BABAM2: variants seen among roughly 807,000 people sequenced by gnomAD.
BABAM2 encodes BRISC and BRCA1-A complex member 2.
A neutral mutation model predicts 54.7 loss-of-function variants in BABAM2; 31 were observed. That is an observed-to-expected ratio of 0.57 (90% CI 0.43 to 0.77). The LOEUF (loss-of-function observed/expected upper bound fraction) is 0.77. Among genes scored for constraint, BABAM2 ranks in the 30% least tolerant of loss-of-function variants. The pLI is 0.00. For missense variants in BABAM2, 364 were observed against 455.8 expected, an observed-to-expected ratio of 0.80 and a Z score of 1.83; for synonymous variants, 167 against 162.9, an observed-to-expected ratio of 1.03 and a Z score of -0.19.
chr2:28,271,921 GT>G (rs1439851054), intron 10 of BABAM2, among the ~76,000 whole-genome samples: 3 of 152,216 alleles, frequency 2.0e-5, no homozygotes, highest in Non-Finnish European at 4.4e-5. Context: ...TAGGCACATG[GT>G]GGAATGTAGA....
chr2:28,062,052 G>A (rs1678917351), intron 6 of BABAM2, among the ~76,000 whole-genome samples: 1 of 152,122 alleles, frequency 6.6e-6, no homozygotes, highest in African/African-American at 2.4e-5. Context: ...GAGGTCAGGA[G>A]TTCGAGACCA....
At chr2:28,162,904 G>T (rs1446126124) in intron 7 of BABAM2, among the ~76,000 whole-genome samples, 2 of 152,162 alleles carry the variant, frequency 1.3e-5, no homozygotes, top group African/African-American at 4.8e-5. Flanking sequence ...TAGTGACAAA[G>T]ACATGTTTAA....
chr2:28,313,264 C>T (rs1369747488), intron 11 of BABAM2, among the ~76,000 whole-genome samples: 1 of 152,204 alleles, frequency 6.6e-6, no homozygotes, highest in African/African-American at 2.4e-5. Flanking sequence ...TTATTACTAG[C>T]GTCTATGGGC....
At chr2:27,927,619 A>G (rs1667802862) in intron 2 of BABAM2, among the ~76,000 whole-genome samples, 1 of 152,214 alleles carries the variant, frequency 6.6e-6, no homozygotes. Context: ...AAAGGGAAAT[A>G]TGATGCCTCT....
chr2:28,189,765 T>C (rs556517898), intron 7 of BABAM2, among the ~76,000 whole-genome samples: 32 of 152,206 alleles, frequency 2.1e-4, no homozygotes, highest in African/African-American at 7.7e-4. Flanking sequence ...CTTTTTTTTT[T>C]AGGGATTGAC....
chr2:28,320,850 C>T (rs1186068342), intron 11 of BABAM2, among the ~76,000 whole-genome samples: 2 of 152,130 alleles, frequency 1.3e-5, no homozygotes, highest in African/African-American at 4.8e-5. Flanking sequence ...CTCTCCAAGC[C>T]TGCTCCTTCA....
chr2:27,983,160 C>T (rs909806406), intron 3 of BABAM2, among the ~76,000 whole-genome samples: 1 of 151,990 alleles, frequency 6.6e-6, no homozygotes. Context: ...TCTTCATGTT[C>T]TCACCCACCC....
At chr2:28,310,752 C>T (rs572094817) in intron 11 of BABAM2, among the ~76,000 whole-genome samples, 1 of 152,020 alleles carries the variant, frequency 6.6e-6, no homozygotes, top group Non-Finnish European at 1.5e-5. Context: ...GGCATGATGG[C>T]GGGCGTCTGT....
At chr2:28,219,191 G>T (rs986813065) in intron 7 of BABAM2, among the ~76,000 whole-genome samples, 1 of 152,138 alleles carries the variant, frequency 6.6e-6, no homozygotes. Flanking sequence ...ACTCTTTCAG[G>T]TTGTTCAGAG....
At position 27,995,993 on chromosome 2, in the gene BABAM2, G is replaced by A. The variant is rs1018175479; in HGVS notation, c.300+7906G>A. Among the ~76,000 whole-genome samples, 29 of 152,246 alleles carry A rather than the reference G, an allele frequency of 1.9e-4. No homozygotes were observed. Among genetic ancestry groups the A allele is most frequent in the African/African-American group, 6.3e-4 (26 of 41,560 alleles). On this transcript the variant is annotated intron_variant, in intron 4 of 11. Coordinates refer to ENST00000379624, the MANE Select transcript of BABAM2 (RefSeq NM_199191.3). This position sits in a 1 kb window ranked among gnomAD's most constrained non-coding sequence, Gnocchi z 4.1. The stretch of plus-strand genomic sequence containing the variant: ...CTTATCTTTTCATCTATATCTAAAT[G>A]GCTTTCTCCACTTTCTTGCTTGTGT...
intron 7 of BABAM2, among the ~76,000 whole-genome samples, chr2:28,167,412 C>T (rs1186970839): frequency 2.0e-5 from 3 of 151,974 alleles, no homozygotes; most frequent in African/African-American, 7.3e-5. Context: ...ATGCCGTTTG[C>T]GCTGGGAGCA....
intron 3 of BABAM2, among the ~76,000 whole-genome samples, chr2:27,978,206 G>A (rs1349117519): frequency 2.0e-5 from 3 of 152,072 alleles, no homozygotes; most frequent in Non-Finnish European, 4.4e-5. Flanking sequence ...CTGACTTCAT[G>A]TGAGATCTGG....
intron 3 of BABAM2, among the ~76,000 whole-genome samples, chr2:27,965,932 C>G (rs1052168347): frequency 3.4e-5 from 5 of 148,082 alleles, no homozygotes; most frequent in Admixed American, 1.3e-4. Flanking sequence ...TCTTTTTCTT[C>G]TTTGTTTTAT....
intron 4 of BABAM2, among the ~76,000 whole-genome samples, chr2:28,003,270 G>A (rs966634474): frequency 6.6e-6 from 1 of 152,110 alleles, no homozygotes; most frequent in African/African-American, 2.4e-5. Context: ...GCTGTGTGGT[G>A]CTGTGATTAT....
chr2:28,321,225 C>T (rs1337218265), intron 11 of BABAM2, among the ~76,000 whole-genome samples: 2 of 152,322 alleles, frequency 1.3e-5, no homozygotes, highest in South Asian at 2.1e-4. Context: ...TGCCTCATAA[C>T]AACTGGTCAC....
rs1018905213 is a variant in BABAM2 at position 28,325,857 on chromosome 2, A to T, written c.1089-12593A>T. On this transcript the variant is annotated intron_variant, in intron 11 of 11. Transcript: ENST00000379624. The surrounding 1 kb of genome is among the most constrained non-coding windows in gnomAD (Gnocchi z 4.3). ...CCTCTGGATGCTGAGATCTGGTGGA[A>T]GAAAGTGAACTTACAACCAGGCAAA... Among the ~76,000 whole-genome samples, 8 of 152,230 alleles carry T rather than the reference A, an allele frequency of 5.3e-5. No homozygotes were observed. The highest frequency in any genetic ancestry group is 7.2e-5 in the African/African-American group (3 of 41,468).
intron 11 of BABAM2, chr2:28,309,994 G>A (rs749105479): frequency 1.7e-4 from 240 of 1,420,682 alleles, no homozygotes; most frequent in Non-Finnish European, 2.3e-4. Context: ...GAAGAGAAAA[G>A]CAAATCATAT....
chr2:27,911,116 C>T (rs903204231), intron 2 of BABAM2, among the ~76,000 whole-genome samples: 2 of 152,120 alleles, frequency 1.3e-5, no homozygotes, highest in Non-Finnish European at 2.9e-5. Context: ...TTGTAAGTTC[C>T]TTGAGGCCTC....
chr2:27,901,197 CTG>C (rs1469840198), intron 2 of BABAM2, among the ~76,000 whole-genome samples: 1 of 152,056 alleles, frequency 6.6e-6, no homozygotes, highest in African/African-American at 2.4e-5. Flanking sequence ...GTTCTTTGCT[CTG>C]TGTTAATTTG....
Sources: allele counts gnomAD v4.1 joint callset (sites outside exome capture counted in the v4.1 genomes callset), GRCh38; gene constraint gnomAD v4.1.1; non-coding constraint Gnocchi (gnomAD v3.1); transcripts MANE v1.5; gene names NCBI Gene and HGNC (gene_info 2026-07-23, HGNC 2026-07-21).